The following ATP8A2 variants were observed in gnomAD, a reference collection of about 807,000 sequenced individuals.
ATP8A2 encodes ATPase phospholipid transporting 8A2.
In ATP8A2, 100 loss-of-function variants were observed where a neutral mutation model predicts 165.6. The ratio of observed to expected loss-of-function variants is 0.60; its 90% CI spans 0.51 to 0.71. The LOEUF is 0.71. ATP8A2 is among the 30% of genes least tolerant of loss of function. The pLI is 0.00. For synonymous variants in ATP8A2, 543 were observed against 548.8 expected (o/e 0.99, Z 0.15); for missense variants, 1,227 against 1,479.5 (o/e 0.83, Z 2.80).
At chr13:25,773,305 T>C (rs148237419) in intron 26 of ATP8A2, among the ~76,000 whole-genome samples, 17 of 152,292 alleles carry the variant, frequency 1.1e-4, no homozygotes, top group African/African-American at 3.6e-4. Context: ...AGAAACGTGA[T>C]GTAAACAGGG....
chr13:25,472,336 A>G (rs1420532944), intron 2 of ATP8A2, among the ~76,000 whole-genome samples: 1 of 151,436 alleles, frequency 6.6e-6, no homozygotes, highest in Admixed American at 6.6e-5. Flanking sequence ...AGAGATTGCA[A>G]TGAGCCCAAA....
intron 1 of ATP8A2, among the ~76,000 whole-genome samples, chr13:25,397,796 T>G (rs1432578312): frequency 6.6e-6 from 1 of 152,188 alleles, no homozygotes; most frequent in Admixed American, 6.5e-5. Context: ...CATAAACCAA[T>G]ACATATAAGG....
intron 25 of ATP8A2, among the ~76,000 whole-genome samples, chr13:25,741,968 G>T (rs1375980332): frequency 6.6e-6 from 1 of 152,154 alleles, no homozygotes; most frequent in African/African-American, 2.4e-5. Context: ...GAAAATTCCA[G>T]CAACCTTCCT....
chr13:25,488,886 A>C (rs182937743), intron 2 of ATP8A2, among the ~76,000 whole-genome samples: 2 of 105,620 alleles, frequency 1.9e-5, no homozygotes, highest in East Asian at 3.5e-4. Context: ...CCCACCCCCC[A>C]TTTTTGCTGT....
rs550759035 is a variant in ATP8A2, at chr13:25,845,166, C to T, written c.2956+5542C>T. Among the ~76,000 whole-genome samples the T allele has an allele frequency of 1.6e-4, 25 of 152,328 alleles. 1 individual carries two copies. The highest frequency in any genetic ancestry group is 5.8e-4 in the African/African-American group (24 of 41,572). On this transcript the variant is annotated intron_variant, in intron 30 of 36. Transcript: ENST00000381655. ...CTGCCATGGTCTGCCTGCAGCTCCT[C>T]GCCTTTGATCTGGAAAGCGATGCTA...
At chr13:25,598,392 A>G (rs1027188747) in intron 24 of ATP8A2, among the ~76,000 whole-genome samples, 2 of 152,134 alleles carry the variant, frequency 1.3e-5, no homozygotes, top group East Asian at 1.9e-4. Context: ...CAGAAAGCCT[A>G]TTGGGATTTT....
intron 27 of ATP8A2, among the ~76,000 whole-genome samples, chr13:25,780,858 C>T (rs1389707883): frequency 6.6e-6 from 1 of 152,194 alleles, no homozygotes; most frequent in Non-Finnish European, 1.5e-5. Context: ...CCTCCGCTCA[C>T]CTCCTGCTAT....
At position 25,968,538 on chromosome 13, in the gene ATP8A2, T is replaced by G. The variant is rs9578945; in HGVS notation, c.3273-37T>G. 1.5e-5 allele frequency: 23 copies of G among 1,574,202 alleles called. No individual in the cohort carries two copies. The African/African-American group carries it at 2.7e-4, about 18-fold the overall frequency. On this transcript the variant is annotated intron_variant, in intron 34 of 36. Coordinates refer to ENST00000381655, the MANE Select transcript of ATP8A2 (RefSeq NM_016529.6). Reference sequence around the variant, plus strand: ...GTCTTTCCCAGCTGTGTCAAGTCTCTATGCCATGTTCGTTTTGTCTTTTCC... The same window carrying G: ...GTCTTTCCCAGCTGTGTCAAGTCTCGATGCCATGTTCGTTTTGTCTTTTCC...
At chr13:25,643,742 G>GT (rs151259703) in intron 24 of ATP8A2, among the ~76,000 whole-genome samples, 5,376 of 140,012 alleles carry the variant, frequency 0.038, 149 homozygotes, top group East Asian at 0.14. Context: ...GTTTTGTTTT[G>GT]TTTTTTTTTT....
chr13:25,845,633 G>A (rs1162645003), intron 30 of ATP8A2, among the ~76,000 whole-genome samples: 1 of 152,136 alleles, frequency 6.6e-6, no homozygotes, highest in Non-Finnish European at 1.5e-5. Flanking sequence ...GCCATGTTTT[G>A]TATACTGAAA....
intron 13 of ATP8A2, among the ~76,000 whole-genome samples, chr13:25,555,796 C>T (rs928826392): frequency 2.6e-5 from 4 of 151,976 alleles, no homozygotes; most frequent in South Asian, 2.1e-4. Flanking sequence ...TAGTAGTCCC[C>T]AGTGTCTCTT....
At chr13:25,571,554 C>T (rs2039468464) in intron 17 of ATP8A2, 56 bp from the exon 18 acceptor site, 2 of 1,347,116 alleles carry the variant, frequency 1.5e-6, no homozygotes, top group Non-Finnish European at 2.1e-6. Context: ...TGACACTAAA[C>T]AGAATTCTGT....
At chr13:25,713,583 A>G (rs1046134625) in intron 25 of ATP8A2, among the ~76,000 whole-genome samples, 3 of 152,158 alleles carry the variant, frequency 2.0e-5, no homozygotes, top group Non-Finnish European at 4.4e-5. Flanking sequence ...TTAGTGATTC[A>G]TAAGTTTTTG....
At chr13:25,984,528 C>T (rs528479399) in intron 35 of ATP8A2, among the ~76,000 whole-genome samples, 42 of 151,612 alleles carry the variant, frequency 2.8e-4, no homozygotes, top group African/African-American at 7.7e-4. Context: ...CGCTTGATCC[C>T]GGGAGGTAGA....
chr13:25,796,891 T>C (rs888546342), intron 27 of ATP8A2, among the ~76,000 whole-genome samples: 1 of 152,250 alleles, frequency 6.6e-6, no homozygotes, highest in Non-Finnish European at 1.5e-5. Context: ...TAAAAGTTTA[T>C]ACTTTGATCA....
intron 24 of ATP8A2, among the ~76,000 whole-genome samples, chr13:25,627,651 T>C (rs1026289980): frequency 6.6e-6 from 1 of 152,166 alleles, no homozygotes; most frequent in Non-Finnish European, 1.5e-5. Flanking sequence ...ACTTCTAGCC[T>C]CCATAACTTT....
At chr13:25,998,216 C>T (rs541607202) in intron 35 of ATP8A2, among the ~76,000 whole-genome samples, 1 of 152,294 alleles carries the variant, frequency 6.6e-6, no homozygotes, top group Admixed American at 6.5e-5. Context: ...TCACATTTCA[C>T]TGGGTTGGGG....
intron 33 of ATP8A2, among the ~76,000 whole-genome samples, chr13:25,901,817 T>C (rs1593530677): frequency 6.6e-6 from 1 of 152,216 alleles, no homozygotes; most frequent in Admixed American, 6.5e-5. Flanking sequence ...CAGGATGTGG[T>C]GATTATTTGT....
intron 30 of ATP8A2, among the ~76,000 whole-genome samples, chr13:25,855,069 G>C (rs1194718213): frequency 2.6e-5 from 4 of 151,986 alleles, no homozygotes; most frequent in African/African-American, 7.3e-5. Flanking sequence ...TGACCAACAT[G>C]GTGAAACCCC....
Sources: gnomAD v4.1 joint callset for allele counts (sites outside exome capture counted in the v4.1 genomes callset) on GRCh38, gnomAD v4.1.1 for gene constraint, MANE v1.5 for transcripts, NCBI Gene and HGNC (gene_info 2026-07-23, HGNC 2026-07-21) for gene names.